Variants in PRKN observed in about 807,000 individuals in gnomAD.
The protein encoded by PRKN is E3 ubiquitin-protein ligase parkin.
A neutral mutation model predicts 59.5 loss-of-function variants in PRKN; 56 were observed. That is an observed-to-expected ratio of 0.94 (90% confidence interval 0.76 to 1.18). The LOEUF (loss-of-function observed/expected upper bound fraction) is 1.18, where lower values mean the gene tolerates loss of function less well. Ranked by LOEUF, PRKN falls within the 50% of genes most tolerant of loss-of-function variation. PRKN has a pLI of 0.00. For missense variants in PRKN, 657 were observed against 596.4 expected (o/e 1.10, Z -1.06); for synonymous variants, 250 against 222.1 (o/e 1.13, Z -1.12).
intron 3 of PRKN, among the ~76,000 whole-genome samples, chr6:162,208,820 A>G (rs552924002): frequency 2.0e-5 from 3 of 152,276 alleles, no homozygotes; most frequent in Non-Finnish European, 2.9e-5. Context: ...TTTCCTCACA[A>G]TGACATCTCT....
intron 6 of PRKN, among the ~76,000 whole-genome samples, chr6:161,873,785 C>T (rs1794444766): frequency 6.7e-6 from 1 of 149,688 alleles, no homozygotes; most frequent in Non-Finnish European, 1.5e-5. Context: ...AGTCACTTTC[C>T]TCTAAGCTTT....
rs964197167 is a variant in PRKN at position 161,593,730 on chromosome 6, G to A, written c.872-24314C>T. ...GAGAGGGCTCGAGGAGTTCTGCTTC[G>A]GATGCCACATTGGCAAAGCTTATAA... On this transcript the variant is annotated intron_variant, in intron 7 of 11. Transcript: ENST00000366898. The surrounding 1 kb of genome is among the most constrained non-coding windows in gnomAD (Gnocchi z 4.8). Among the ~76,000 whole-genome samples, 8 of 152,254 alleles carry A rather than the reference G, an allele frequency of 5.3e-5. No homozygotes were observed. Among genetic ancestry groups the A allele is most frequent in the African/African-American group, 1.7e-4 (7 of 41,534 alleles).
intron 2 of PRKN, among the ~76,000 whole-genome samples, chr6:162,405,101 T>C (rs1281714916): frequency 6.6e-6 from 1 of 152,150 alleles, no homozygotes; most frequent in African/African-American, 2.4e-5. Flanking sequence ...AGCCCCTCCA[T>C]GTGTCCTGCA....
At chr6:161,744,807 T>C (rs2128192599) in intron 7 of PRKN, among the ~76,000 whole-genome samples, 1 of 152,288 alleles carries the variant, frequency 6.6e-6, no homozygotes, top group South Asian at 2.1e-4. Flanking sequence ...GGCTCAGAGA[T>C]TAACAAAAGC....
intron 1 of PRKN, among the ~76,000 whole-genome samples, chr6:162,488,418 TGAG>T (rs1054547677): frequency 2.6e-5 from 4 of 152,170 alleles, no homozygotes; most frequent in African/African-American, 7.2e-5. Context: ...CACTCTTCAC[TGAG>T]GAGATTTCCC....
rs955739643 is a variant in PRKN, at chr6:161,400,121, C to T, written c.1084-13244G>A. On this transcript the variant is annotated intron_variant, in intron 9 of 11. Transcript: ENST00000366898. This position sits in a 1 kb window ranked among gnomAD's most constrained non-coding sequence, Gnocchi z 4.2. ...GACAGGAGCCTCACAGGGCTAGTGG[C>T]CACCATGCTGGCCACCACGCTGGAC... Among the ~76,000 whole-genome samples the T allele has an allele frequency of 6.6e-6, 1 of 152,002 alleles. No homozygotes were observed. The highest frequency in any genetic ancestry group is 1.5e-5 in the Non-Finnish European group (1 of 68,008).
chr6:162,558,659 G>A (rs1400788926), intron 1 of PRKN, among the ~76,000 whole-genome samples: 1 of 147,566 alleles, frequency 6.8e-6, no homozygotes, highest in Non-Finnish European at 1.5e-5. Flanking sequence ...TAATTTCTTA[G>A]ATGGGGTCTC....
intron 2 of PRKN, among the ~76,000 whole-genome samples, chr6:162,327,731 C>G (rs929406599): frequency 3.3e-5 from 5 of 152,214 alleles, no homozygotes; most frequent in African/African-American, 9.6e-5. Flanking sequence ...CATCTCTGAG[C>G]GTGCATAACA....
chr6:162,629,857 GC>G (rs1490998960), intron 1 of PRKN, among the ~76,000 whole-genome samples: 1 of 152,176 alleles, frequency 6.6e-6, no homozygotes, highest in Non-Finnish European at 1.5e-5. Context: ...TGACTGAATA[GC>G]ATGTCAGAGA....
Position 162,396,107 on chromosome 6 carries a change from T to C in PRKN, c.171+47203A>G, listed in dbSNP as rs1787462170. Among the ~76,000 whole-genome samples, 3 of 151,834 alleles carry C rather than the reference T, an allele frequency of 2.0e-5. No homozygotes were observed. The South Asian group carries it at 6.3e-4, about 32-fold the overall frequency. ...GTTCTGGGCAAGGCCTTAAGCTGAG[T>C]TAAGAGTTACTATTGCAGAGCTTTT... On this transcript the variant is annotated intron_variant, in intron 2 of 11. Transcript: ENST00000366898.
At chr6:162,461,713 C>T (rs1188974291) in intron 1 of PRKN, among the ~76,000 whole-genome samples, 2 of 150,660 alleles carry the variant, frequency 1.3e-5, no homozygotes, top group Non-Finnish European at 3.0e-5. Context: ...CCCAGCTACT[C>T]GGGGCGGGGG....
At chr6:162,279,137 C>A (rs999979181) in intron 2 of PRKN, among the ~76,000 whole-genome samples, 1 of 151,796 alleles carries the variant, frequency 6.6e-6, no homozygotes, top group African/African-American at 2.4e-5. Context: ...TCAAGATCAG[C>A]CTGGCCAACA....
chr6:161,696,757 T>C (rs1423895654), intron 7 of PRKN, among the ~76,000 whole-genome samples: 1 of 152,214 alleles, frequency 6.6e-6, no homozygotes, highest in Non-Finnish European at 1.5e-5. Context: ...GATAGGAATA[T>C]GTATGTTAAA....
chr6:162,243,452 C>T (rs951866173), intron 3 of PRKN, among the ~76,000 whole-genome samples: 2 of 151,778 alleles, frequency 1.3e-5, no homozygotes, highest in Admixed American at 6.6e-5. Context: ...CAAGTATAAA[C>T]GTATTAAAAC....
intron 7 of PRKN, among the ~76,000 whole-genome samples, chr6:161,629,713 C>T (rs1783226576): frequency 6.6e-6 from 1 of 152,150 alleles, no homozygotes; most frequent in African/African-American, 2.4e-5. Context: ...GCCTCCTTCC[C>T]CACCCACCTA....
rs540929182 is a variant in PRKN, at chr6:161,689,242, C to T, written c.871+96530G>A. Among the ~76,000 whole-genome samples, 3 of 149,308 alleles carry T rather than the reference C, an allele frequency of 2.0e-5. No individual in the cohort carries two copies. The South Asian group carries it at 6.5e-4, about 32-fold the overall frequency. ...CACACACACACACACACAAAGTGAA[C>T]CCAGATCCCGGTTCCCTCAAGGCTG... On this transcript the variant is annotated intron_variant, in intron 7 of 11. Transcript: ENST00000366898.
intron 4 of PRKN, among the ~76,000 whole-genome samples, chr6:162,157,470 C>T (rs1342667088): frequency 1.3e-5 from 2 of 151,518 alleles, no homozygotes; most frequent in African/African-American, 4.9e-5. Flanking sequence ...TATAAATTTG[C>T]CAAAAAGCTG....
chr6:161,796,614 T>C (rs933905012), intron 6 of PRKN, among the ~76,000 whole-genome samples: 5 of 152,242 alleles, frequency 3.3e-5, no homozygotes, highest in Admixed American at 6.5e-5. Flanking sequence ...GATACTTTCC[T>C]ATCCCCCAGT....
rs1399398279 is a variant in PRKN at position 161,525,047 on chromosome 6, C to T, written c.1083+23807G>A. On this transcript the variant is annotated intron_variant, in intron 9 of 11. Transcript: ENST00000366898. The surrounding 1 kb of genome is among the most constrained non-coding windows in gnomAD (Gnocchi z 4.7). ...TGTTTGTTGTAGCTTGTTCTTACCT[C>T]TATTCTGCCTAAGCAAATGATATTT... 2.0e-5 allele frequency among the ~76,000 whole-genome samples: 3 copies of T among 152,142 alleles called. No individual in the cohort carries two copies. Among genetic ancestry groups the T allele is most frequent in the Non-Finnish European group, 2.9e-5 (2 of 68,046 alleles).
Sources: gnomAD v4.1 joint callset for allele counts (sites outside exome capture counted in the v4.1 genomes callset) on GRCh38, gnomAD v4.1.1 for gene constraint, Gnocchi (gnomAD v3.1) non-coding constraint, MANE v1.5 for transcripts, NCBI Gene and HGNC (gene_info 2026-07-23, HGNC 2026-07-21) for gene names.